DPP6: variants seen among roughly 807,000 people sequenced by gnomAD.
DPP6 encodes A-type potassium channel modulatory protein DPP6.
A neutral mutation model predicts 122.6 loss-of-function variants in DPP6; 69 were observed. That is an observed-to-expected ratio of 0.56 (90% CI 0.46 to 0.69). DPP6 has a LOEUF of 0.69. DPP6 is among the 30% of genes least tolerant of loss of function. The pLI, the probability that DPP6 is intolerant of heterozygous loss-of-function variation, is 0.00. For synonymous variants in DPP6, 418 were observed against 433.1 expected (o/e 0.97, Z 0.43); for missense variants, 928 against 1,116.9 (o/e 0.83, Z 2.41).
At chr7:154,409,616 C>T (rs1272047375) in intron 1 of DPP6, among the ~76,000 whole-genome samples, 1 of 152,204 alleles carries the variant, frequency 6.6e-6, no homozygotes, top group Non-Finnish European at 1.5e-5. Context: ...CCTCTGTCCT[C>T]TTAGCATGTA....
At chr7:153,936,404 C>A (rs981014654) in intron 1 of DPP6, among the ~76,000 whole-genome samples, 16 of 152,100 alleles carry the variant, frequency 1.1e-4, no homozygotes, top group Non-Finnish European at 2.4e-4. Context: ...CTGGGGAGAC[C>A]GCGAGCTCGT....
intron 7 of DPP6, among the ~76,000 whole-genome samples, chr7:154,695,428 A>C (rs994452261): frequency 6.6e-6 from 1 of 152,250 alleles, no homozygotes; most frequent in South Asian, 2.1e-4. Context: ...TGGATAAGAC[A>C]TACATACATG....
chr7:153,990,225 C>T (rs183001887), intron 1 of DPP6, among the ~76,000 whole-genome samples: 2,369 of 87,760 alleles, frequency 0.027, 210 homozygotes, highest in African/African-American at 0.097. Flanking sequence ...GCCCCACCCT[C>T]TTCCAGCCCC....
chr7:153,771,264 G>A, the DPP6 span, among the ~76,000 whole-genome samples: 1 of 152,030 alleles, frequency 6.6e-6, no homozygotes, highest in Non-Finnish European at 1.5e-5. Context: ...GACACAAGAG[G>A]GGAACAAAGA....
At chr7:154,118,263 T>A (rs2150599719) in intron 1 of DPP6, among the ~76,000 whole-genome samples, 1 of 150,616 alleles carries the variant, frequency 6.6e-6, no homozygotes, top group Non-Finnish European at 1.5e-5. Flanking sequence ...CATTGATTTC[T>A]GGGACATACA....
Position 154,061,924 on chromosome 7 carries a change from C to A in DPP6, c.243+8861C>A, listed in dbSNP as rs1390318695. Among the ~76,000 whole-genome samples, 10 of 132,920 alleles carry A rather than the reference C, an allele frequency of 7.5e-5. 1 individual carries two copies. Among genetic ancestry groups the A allele is most frequent in the Admixed American group, 1.5e-4 (2 of 13,328 alleles). 87.2% of individuals were successfully genotyped at this position (132,920 alleles called of 152,430 possible). A position where few individuals can be genotyped will look rare whatever the true frequency, so the allele number is the denominator to read the frequency against. On this transcript the variant is annotated intron_variant, in intron 1 of 25. Transcript: ENST00000377770. ...CCTCTTCCCCCCCTGGCTCTGAGGA[C>A]CCCCATCGCAGGAGGGGGAGGCAAC...
intron 8 of DPP6, among the ~76,000 whole-genome samples, chr7:154,765,659 C>A (rs1004595501): frequency 2.0e-5 from 3 of 152,176 alleles, no homozygotes; most frequent in Non-Finnish European, 4.4e-5. Flanking sequence ...CTGGATACAA[C>A]TTTTGCCATC....
At chr7:154,324,108 G>A (rs1808211381) in intron 1 of DPP6, among the ~76,000 whole-genome samples, 1 of 152,104 alleles carries the variant, frequency 6.6e-6, no homozygotes, top group Admixed American at 6.5e-5. Context: ...TGGGGTTCGT[G>A]GAAAAATAGA....
chr7:154,892,368 C>A lies in DPP6; in HGVS notation c.2486C>A (p.Ser829Tyr), dbSNP rs1377335340. The A allele has an allele frequency of 2.8e-5, 45 of 1,613,934 alleles. No individual in the cohort carries two copies. Among genetic ancestry groups the A allele is most frequent in the Non-Finnish European group, 3.7e-5 (44 of 1,179,922 alleles). The change falls in exon 26 of 26, where the codon TCC becomes TAC. Residue 829 changes from serine (S) to tyrosine (Y), a missense_variant. Transcript: ENST00000377770. ...YPDESHYFTS[S>Y]SLKQHLYRSI... Reference sequence around the variant, plus strand: ...GACGAAAGCCATTACTTTACCAGCTCCAGCCTCAAACAGCATCTGTACCGG... The same window carrying A: ...GACGAAAGCCATTACTTTACCAGCTACAGCCTCAAACAGCATCTGTACCGG...
At chr7:153,764,572 C>A in the DPP6 span, among the ~76,000 whole-genome samples, 872 of 152,126 alleles carry the variant, frequency 5.7e-3, 6 homozygotes, top group African/African-American at 0.02. Flanking sequence ...GTGACAAATA[C>A]ACAAAGCCGC....
rs1032039486 is a variant in DPP6, at chr7:154,446,093, G to A, written c.244-121G>A. ...GGAACTAATAGTAGCTTCAAGAATG[G>A]GAAGATGCCTCTTTCACTGTTTTGT... On this transcript the variant is annotated intron_variant, in intron 1 of 25. Transcript: ENST00000377770. The A allele has an allele frequency of 4.8e-6, 3 of 618,678 alleles. No homozygotes were observed. In the Admixed American group the frequency reaches 9.7e-5, roughly 20 times the overall value. 38.3% of individuals were successfully genotyped at this position (618,678 alleles called of 1,614,324 possible). A position where few individuals can be genotyped will look rare whatever the true frequency, so the allele number is the denominator to read the frequency against.
intron 1 of DPP6, among the ~76,000 whole-genome samples, chr7:154,104,837 T>G (rs1339959366): frequency 6.6e-6 from 1 of 152,110 alleles, no homozygotes; most frequent in Non-Finnish European, 1.5e-5. Context: ...AAGATCAGGT[T>G]TGAGGCTGGG....
chr7:154,471,463 AC>A (rs1158750018), intron 2 of DPP6, among the ~76,000 whole-genome samples: 1 of 152,076 alleles, frequency 6.6e-6, no homozygotes. Context: ...TTCATGAGAG[AC>A]CAGGGGTACA....
intron 6 of DPP6, among the ~76,000 whole-genome samples, chr7:154,638,354 A>AT (rs1835857707): frequency 6.6e-6 from 1 of 152,340 alleles, no homozygotes; most frequent in African/African-American, 2.4e-5. Flanking sequence ...CTGGTCAGAC[A>AT]TTCAGCAGTG....
intron 1 of DPP6, among the ~76,000 whole-genome samples, chr7:153,923,945 G>A (rs1046466058): frequency 1.3e-5 from 2 of 151,928 alleles, no homozygotes; most frequent in Non-Finnish European, 2.9e-5. Context: ...ACTCAGCCAT[G>A]CTATGGTTTA....
chr7:154,426,441 T>C (rs1817917760), intron 1 of DPP6, among the ~76,000 whole-genome samples: 1 of 152,160 alleles, frequency 6.6e-6, no homozygotes, highest in East Asian at 1.9e-4. Flanking sequence ...TGGTAATGAA[T>C]ATGACGTGAG....
Position 154,388,242 on chromosome 7 carries a change from T to A in DPP6, c.244-57972T>A, listed in dbSNP as rs541300075. 2.6e-5 allele frequency among the ~76,000 whole-genome samples: 4 copies of A among 152,258 alleles called. No individual in the cohort carries two copies. In the East Asian group the frequency reaches 5.8e-4, roughly 22 times the overall value. ...TGCTTGAGCCTGAAAGGTCGAGCTG[T>A]AATCACACCACTCCAGCCTGGGCAA... is the stretch of plus-strand genomic sequence containing the variant. On this transcript the variant is annotated intron_variant, in intron 1 of 25. Coordinates refer to ENST00000377770, the MANE Select transcript of DPP6 (RefSeq NM_130797.4).
chr7:154,392,187 C>T (rs1344346768), intron 1 of DPP6, among the ~76,000 whole-genome samples: 1 of 152,072 alleles, frequency 6.6e-6, no homozygotes, highest in Admixed American at 6.5e-5. Flanking sequence ...ACAGGAGAAT[C>T]GCTTGAACCT....
intron 16 of DPP6, among the ~76,000 whole-genome samples, chr7:154,835,693 C>T (rs1800993000): frequency 6.6e-6 from 1 of 152,186 alleles, no homozygotes; most frequent in African/African-American, 2.4e-5. Context: ...AACAAGCCAT[C>T]CGGGTGATTC....
Sources: allele counts gnomAD v4.1 joint callset (sites outside exome capture counted in the v4.1 genomes callset), GRCh38; gene constraint gnomAD v4.1.1; transcripts MANE v1.5; gene names NCBI Gene and HGNC (gene_info 2026-07-23, HGNC 2026-07-21).